The following PPP6R2 variants were observed in gnomAD, a reference collection of about 807,000 sequenced individuals.
PPP6R2 encodes the protein serine/threonine-protein phosphatase 6 regulatory subunit 2.
A neutral mutation model predicts 100.2 loss-of-function variants in PPP6R2; 62 were observed. The ratio of observed to expected loss-of-function variants is 0.62; its 90% CI spans 0.50 to 0.76. The LOEUF (loss-of-function observed/expected upper bound fraction) is 0.76, where lower values mean the gene tolerates loss of function less well. PPP6R2 is among the 30% of genes least tolerant of loss of function. The pLI is 0.00. For missense variants in PPP6R2, 1,142 were observed against 1,276.3 expected (o/e 0.89, Z 1.60); for synonymous variants, 525 against 514.7 (o/e 1.02, Z -0.27).
In PPP6R2 at chr22:50,444,321, AT is replaced by A; in HGVS notation, c.*75del. On this transcript the variant is annotated 3_prime_UTR_variant, in exon 24 of 24. Transcript: ENST00000612753. ...ATCGAGAAAACTACCTGGTGATGCA[AT>A]CTTTTTTTTTTTTAATTTAATTTAA... 1 of 1,400,616 alleles carries A rather than the reference AT, an allele frequency of 7.1e-7. No individual in the cohort carries two copies. The allele number at this position is 1,400,616 out of a possible 1,614,324, so 86.8% of individuals were successfully genotyped here. A position where few individuals can be genotyped will look rare whatever the true frequency, so the allele number is the denominator to read the frequency against.
chr22:50,375,089 TAG>T (rs1202153274), intron 2 of PPP6R2, among the ~76,000 whole-genome samples: 1 of 152,068 alleles, frequency 6.6e-6, no homozygotes, highest in Admixed American at 6.6e-5. Flanking sequence ...TGGAAGCCAG[TAG>T]AGAGTAGAAT....
intron 3 of PPP6R2, among the ~76,000 whole-genome samples, chr22:50,399,479 C>T (rs997377010): frequency 3.9e-5 from 6 of 152,252 alleles, no homozygotes; most frequent in Non-Finnish European, 7.3e-5. Flanking sequence ...GGTTAAACAC[C>T]GCCTCCCGCA....
Position 50,431,154 on chromosome 22 carries a change from C to T in PPP6R2, c.1126-19C>T, listed in dbSNP as rs1001650717. 7.6e-6 allele frequency: 12 copies of T among 1,583,938 alleles called. No individual in the cohort carries two copies. The highest frequency in any genetic ancestry group is 7.8e-6 in the Non-Finnish European group (9 of 1,153,770). On this transcript the variant is annotated intron_variant, in intron 10 of 23. Transcript: ENST00000612753. The surrounding 1 kb of genome is among the most constrained non-coding windows in gnomAD (Gnocchi z 4.8). ...AGAAAACCGATCTAAGAACTGTCTT[C>T]TGTCCTCTGTTTACCCAGGACTTGT... is the stretch of plus-strand genomic sequence containing the variant.
chr22:50,358,105 C>G (rs1257916017), intron 1 of PPP6R2, among the ~76,000 whole-genome samples: 1 of 151,510 alleles, frequency 6.6e-6, no homozygotes, highest in Non-Finnish European at 1.5e-5. Flanking sequence ...AGCCACCACA[C>G]CTGGATAATT....
intron 1 of PPP6R2, among the ~76,000 whole-genome samples, chr22:50,370,816 T>A (rs1229659857): frequency 6.6e-6 from 1 of 151,390 alleles, no homozygotes; most frequent in African/African-American, 2.4e-5. Context: ...GTATTTTTAG[T>A]AGAGACGGGG....
chr22:50,384,176 T>C (rs1487511661), intron 2 of PPP6R2, among the ~76,000 whole-genome samples: 1 of 152,172 alleles, frequency 6.6e-6, no homozygotes, highest in Non-Finnish European at 1.5e-5. Flanking sequence ...ACATAACTCC[T>C]GTGGCCTTTT....
At chr22:50,374,017 G>A (rs1047644550) in intron 2 of PPP6R2, among the ~76,000 whole-genome samples, 7 of 152,100 alleles carry the variant, frequency 4.6e-5, no homozygotes, top group Admixed American at 1.3e-4. Flanking sequence ...TATTATAGGC[G>A]TGAGCCACCG....
intron 8 of PPP6R2, among the ~76,000 whole-genome samples, chr22:50,421,467 C>G (rs929266418): frequency 6.6e-6 from 1 of 152,232 alleles, no homozygotes; most frequent in Non-Finnish European, 1.5e-5. Flanking sequence ...CTGTCCCCCC[C>G]AAAGTGCTGG....
At chr22:50,406,549 A>C in intron 3 of PPP6R2, 140 bp from the exon 4 acceptor site, 1 of 732,710 alleles carries the variant, frequency 1.4e-6, no homozygotes, top group East Asian at 2.5e-5. Flanking sequence ...ACAGGTAGTC[A>C]CGTTTTTGTT....
rs897792014 is a variant in PPP6R2 at position 50,426,707 on chromosome 22, G to A, written c.1125+3093G>A. On this transcript the variant is annotated intron_variant, in intron 10 of 23. Coordinates refer to ENST00000612753, the MANE Select transcript of PPP6R2 (RefSeq NM_001242898.2). ...AAAATTAGCCAGGCATGGTGGCAGC[G>A]CCTGTAATCCCAGCTACTTGGGAGG... 3.9e-5 allele frequency among the ~76,000 whole-genome samples: 6 copies of A among 151,944 alleles called. No homozygotes were observed. The East Asian group carries it at 1.2e-3, about 29-fold the overall frequency.
intron 13 of PPP6R2, among the ~76,000 whole-genome samples, chr22:50,435,561 C>T (rs534566204): frequency 8.5e-5 from 13 of 152,124 alleles, no homozygotes; most frequent in Non-Finnish European, 1.5e-4. Context: ...GTTAGGTGGG[C>T]GCAGGCACAG....
chr22:50,336,239 C>A, the PPP6R2 span, among the ~76,000 whole-genome samples: 1 of 152,062 alleles, frequency 6.6e-6, no homozygotes, highest in Non-Finnish European at 1.5e-5. Flanking sequence ...CCACCCACCT[C>A]GGCTTCCCAA....
rs140913923 is a variant in PPP6R2 at position 50,432,120 on chromosome 22, G to A, written c.1336-145G>A. On this transcript the variant is annotated intron_variant, in intron 11 of 23. Coordinates refer to ENST00000612753, the MANE Select transcript of PPP6R2 (RefSeq NM_001242898.2). ...GTGTTTGGTGAGGACCGCGGAGGCT[G>A]GGGCTGTGCGTGCGCAGCAGTCAGG... 5.6e-6 allele frequency: 4 copies of A among 712,946 alleles called. No homozygotes were observed. The African/African-American group carries it at 7.0e-5, about 13-fold the overall frequency. 44.2% of individuals were successfully genotyped at this position (712,946 alleles called of 1,614,324 possible). A position where few individuals can be genotyped will look rare whatever the true frequency, so the allele number is the denominator to read the frequency against.
intron 2 of PPP6R2, among the ~76,000 whole-genome samples, chr22:50,386,642 G>T (rs1199903387): frequency 6.6e-6 from 1 of 152,130 alleles, no homozygotes; most frequent in East Asian, 1.9e-4. Context: ...TCCTCAGCTT[G>T]TGGCTTCCAC....
chr22:50,393,663 C>G, intron 2 of PPP6R2: 1 of 968,768 alleles, frequency 1.0e-6, no homozygotes, highest in Non-Finnish European at 1.2e-6. Context: ...CTTTGTGAGC[C>G]CAACCTGGAG....
intron 1 of PPP6R2, among the ~76,000 whole-genome samples, chr22:50,355,153 A>G (rs537411321): frequency 2.0e-5 from 3 of 151,256 alleles, no homozygotes; most frequent in South Asian, 4.2e-4. Flanking sequence ...CAGGATTTCA[A>G]TTTCACGATT....
chr22:50,397,616 C>G (rs1433591553), intron 3 of PPP6R2, among the ~76,000 whole-genome samples: 1 of 85,030 alleles, frequency 1.2e-5, no homozygotes, highest in African/African-American at 6.3e-5. Flanking sequence ...GGGATGGGGG[C>G]AGGGGGGCCT....
chr22:50,373,464 C>T (rs981843913), intron 2 of PPP6R2, among the ~76,000 whole-genome samples: 3 of 151,810 alleles, frequency 2.0e-5, no homozygotes, highest in Admixed American at 6.6e-5. Flanking sequence ...AGGATGGTCT[C>T]GATCTCCTGA....
intron 2 of PPP6R2, among the ~76,000 whole-genome samples, chr22:50,380,110 A>G (rs1018721478): frequency 6.6e-6 from 1 of 152,168 alleles, no homozygotes; most frequent in Non-Finnish European, 1.5e-5. Context: ...TGGTTCTGGT[A>G]AGAGTTTCAG....
Sources: gnomAD v4.1 joint callset for allele counts (sites outside exome capture counted in the v4.1 genomes callset) on GRCh38, gnomAD v4.1.1 for gene constraint, Gnocchi (gnomAD v3.1) non-coding constraint, MANE v1.5 for transcripts, NCBI Gene and HGNC (gene_info 2026-07-23, HGNC 2026-07-21) for gene names.